Variants in DAB1 observed in about 807,000 individuals in gnomAD.
The protein encoded by DAB1 is disabled homolog 1.
DAB1 carries 15 observed loss-of-function variants against 64.6 expected under a neutral mutation model. That is an observed-to-expected ratio of 0.23 (90% CI 0.16 to 0.36). The LOEUF (loss-of-function observed/expected upper bound fraction) is 0.36, where lower values mean the gene tolerates loss of function less well. Among genes scored for constraint, DAB1 ranks in the 10% least tolerant of loss-of-function variants. The probability of loss-of-function intolerance (pLI) is 1.00; values close to 1 mark genes in which losing one functional copy is unlikely to be tolerated. For missense variants in DAB1, 596 were observed against 706.7 expected (o/e 0.84, Z 1.78); for synonymous variants, 235 against 251.9 (o/e 0.93, Z 0.64).
chr1:57,570,601 G>A (rs772725824), intron 7 of DAB1, among the ~76,000 whole-genome samples: 6 of 152,078 alleles, frequency 3.9e-5, no homozygotes, highest in Non-Finnish European at 5.9e-5. Flanking sequence ...TTGAAGTCGG[G>A]TAATGTGATG....
rs542836623 is a variant in DAB1 at position 57,033,670 on chromosome 1, TTCC to T, written c.724-7630_724-7628del. ...TGATGACAGTATCTATGGTTCACAC[TTCC>T]GTGGTCTCAGTAGGCGGGAGCTGTT... On this transcript the variant is annotated intron_variant, in intron 9 of 14. Coordinates refer to ENST00000371236, the MANE Select transcript of DAB1 (RefSeq NM_001365792.1). The T allele has an allele frequency of 4.7e-5, 58 of 1,226,166 alleles. No homozygotes were observed. The African/African-American group carries it at 8.2e-4, about 17-fold the overall frequency. 76.0% of individuals were successfully genotyped at this position (1,226,166 alleles called of 1,614,324 possible). A position where few individuals can be genotyped will look rare whatever the true frequency, so the allele number is the denominator to read the frequency against.
At chr1:58,274,969 C>G (rs547195388) in intron 4 of DAB1, among the ~76,000 whole-genome samples, 1 of 151,830 alleles carries the variant, frequency 6.6e-6, no homozygotes, top group Admixed American at 6.6e-5. Context: ...CGGTCTTCTG[C>G]ATCGCTCACG....
chr1:58,389,244 C>T (rs1296525237), intron 3 of DAB1, among the ~76,000 whole-genome samples: 1 of 152,160 alleles, frequency 6.6e-6, no homozygotes, highest in African/African-American at 2.4e-5. Flanking sequence ...TTGAGACCAG[C>T]CAGGGCAACA....
intron 4 of DAB1, among the ~76,000 whole-genome samples, chr1:57,121,547 C>T (rs550116537): frequency 6.6e-6 from 1 of 151,670 alleles, no homozygotes; most frequent in South Asian, 2.1e-4. Flanking sequence ...TAAATGTTCA[C>T]TGAATGAAAA....
intron 5 of DAB1, among the ~76,000 whole-genome samples, chr1:58,086,368 T>G (rs1160730321): frequency 2.6e-5 from 4 of 151,910 alleles, no homozygotes; most frequent in Non-Finnish European, 5.9e-5. Flanking sequence ...GTTTAAAGAG[T>G]ATTTCTTGAT....
chr1:57,795,862 T>G (rs1384576696), intron 6 of DAB1, among the ~76,000 whole-genome samples: 3 of 151,172 alleles, frequency 2.0e-5, no homozygotes, highest in Non-Finnish European at 4.4e-5. Context: ...TAGCCCTCAG[T>G]TTTTTAGTCA....
chr1:57,306,085 A>C (rs1674135846), intron 1 of DAB1, among the ~76,000 whole-genome samples: 1 of 152,152 alleles, frequency 6.6e-6, no homozygotes, highest in South Asian at 2.1e-4. Flanking sequence ...CTTCTTTACA[A>C]TCTGGGAAGG....
chr1:58,449,423 A>T (rs1479974844), intron 3 of DAB1, among the ~76,000 whole-genome samples: 1 of 152,170 alleles, frequency 6.6e-6, no homozygotes, highest in East Asian at 1.9e-4. Flanking sequence ...CAAAGCCTAC[A>T]CTACTGCAAA....
At chr1:58,014,478 G>A (rs1045872602) in intron 5 of DAB1, among the ~76,000 whole-genome samples, 2 of 152,218 alleles carry the variant, frequency 1.3e-5, no homozygotes, top group African/African-American at 4.8e-5. Flanking sequence ...GATTCATGCA[G>A]TTGGGTGGTT....
chr1:57,143,589 CAT>C (rs1241219444), intron 3 of DAB1, among the ~76,000 whole-genome samples: 1 of 151,908 alleles, frequency 6.6e-6, no homozygotes, highest in Admixed American at 6.6e-5. Context: ...AAAAAGAAGA[CAT>C]ATAAATGAAT....
At chr1:57,351,446 G>T (rs1451355144) in intron 1 of DAB1, among the ~76,000 whole-genome samples, 3 of 152,050 alleles carry the variant, frequency 2.0e-5, no homozygotes. Context: ...CAAAGGAGGG[G>T]AGTTGAACAT....
intron 5 of DAB1, among the ~76,000 whole-genome samples, chr1:57,969,051 G>C (rs150479203): frequency 1.3e-5 from 2 of 152,190 alleles, no homozygotes; most frequent in African/African-American, 4.8e-5. Flanking sequence ...AATAATTTAA[G>C]AGAAAATTAA....
chr1:57,991,076 T>C (rs887255681), intron 5 of DAB1, among the ~76,000 whole-genome samples: 2 of 152,190 alleles, frequency 1.3e-5, no homozygotes, highest in African/African-American at 4.8e-5. Context: ...ATAGGTTTTG[T>C]TACTTCTCTC....
intron 5 of DAB1, among the ~76,000 whole-genome samples, chr1:57,949,459 TTATCTATCTATCTATCTATC>T (rs71051263): frequency 3.7e-4 from 54 of 146,364 alleles, no homozygotes; most frequent in Non-Finnish European, 5.2e-4. Context: ...AAGCAATTCT[TTATCTATCTATCTATCTATC>T]TATCTATCTA....
At chr1:57,645,413 C>T (rs1042689201) in intron 7 of DAB1, among the ~76,000 whole-genome samples, 2 of 152,170 alleles carry the variant, frequency 1.3e-5, no homozygotes, top group African/African-American at 4.8e-5. Context: ...AGGGATTTAG[C>T]TGCTGTCTGT....
chr1:57,143,275 T>G (rs925747164), intron 3 of DAB1, among the ~76,000 whole-genome samples: 3 of 152,190 alleles, frequency 2.0e-5, no homozygotes, highest in Non-Finnish European at 4.4e-5. Context: ...AAGCTCACTG[T>G]GGCTGTGTAT....
chr1:58,393,498 A>C (rs982092537), intron 3 of DAB1, among the ~76,000 whole-genome samples: 1 of 152,218 alleles, frequency 6.6e-6, no homozygotes, highest in African/African-American at 2.4e-5. Flanking sequence ...ACATATTAAA[A>C]AACTGAGGCT....
intron 2 of DAB1, among the ~76,000 whole-genome samples, chr1:57,173,397 C>A (rs779017295): frequency 6.6e-5 from 10 of 152,108 alleles, no homozygotes; most frequent in Non-Finnish European, 1.2e-4. Context: ...TGGTTTCATG[C>A]ACAAAATTAT....
At chr1:58,508,679 C>A (rs1306165803) in intron 2 of DAB1, among the ~76,000 whole-genome samples, 2 of 151,972 alleles carry the variant, frequency 1.3e-5, no homozygotes, top group Non-Finnish European at 2.9e-5. Flanking sequence ...GTCTTGCCAG[C>A]CTTGTAGCAC....
Sources: allele counts gnomAD v4.1 joint callset (sites outside exome capture counted in the v4.1 genomes callset), GRCh38; gene constraint gnomAD v4.1.1; transcripts MANE v1.5; gene names NCBI Gene and HGNC (gene_info 2026-07-23, HGNC 2026-07-21).